Variants in PRKCH observed in about 807,000 individuals in gnomAD.
PRKCH encodes the protein protein kinase C eta type.
A neutral mutation model predicts 82.5 loss-of-function variants in PRKCH; 28 were observed. The observed-to-expected ratio is 0.34, with a 90% CI of 0.25 to 0.47. The LOEUF is 0.47. Ranked by LOEUF, PRKCH falls within the 20% of genes least tolerant of loss-of-function variation. The pLI, the probability that PRKCH is intolerant of heterozygous loss-of-function variation, is 1.00. For synonymous variants in PRKCH, 322 were observed against 327.4 expected (o/e 0.98, Z 0.18); for missense variants, 705 against 881.8 (o/e 0.80, Z 2.54).
In PRKCH at chr14:61,518,986, T is replaced by A. The variant is rs567053664; in HGVS notation, c.1434-10089T>A. Among the ~76,000 whole-genome samples the A allele has an allele frequency of 4.7e-4, 71 of 152,198 alleles. 1 individual carries two copies. Among genetic ancestry groups the A allele is most frequent in the African/African-American group, 1.2e-3 (48 of 41,544 alleles). On this transcript the variant is annotated intron_variant, in intron 10 of 13. Transcript: ENST00000332981. ...TGCCACCATACCTGGCTAAGTTTTT[T>A]AAAAAATTTTGTATAGCTGGACACA...
chr14:61,466,520 G>A (rs1476475014), intron 9 of PRKCH, among the ~76,000 whole-genome samples: 1 of 152,150 alleles, frequency 6.6e-6, no homozygotes, highest in African/African-American at 2.4e-5. Flanking sequence ...AGGGATGGAG[G>A]GGGGCTATCA....
chr14:61,343,563 T>A (rs377087434), intron 1 of PRKCH, among the ~76,000 whole-genome samples: 1 of 152,190 alleles, frequency 6.6e-6, no homozygotes, highest in Non-Finnish European at 1.5e-5. Context: ...GATAGATTTT[T>A]TTTTATGTAG....
intron 1 of PRKCH, among the ~76,000 whole-genome samples, chr14:61,380,314 C>T (rs1333453133): frequency 6.6e-6 from 1 of 152,108 alleles, no homozygotes; most frequent in Non-Finnish European, 1.5e-5. Flanking sequence ...GCCTTGGCCT[C>T]CCAAAGTGTT....
At chr14:61,211,037 G>A (rs757962381) in intron 1 of PRKCH, among the ~76,000 whole-genome samples, 3 of 152,158 alleles carry the variant, frequency 2.0e-5, no homozygotes, top group African/African-American at 7.2e-5. Flanking sequence ...CATGGAGGAA[G>A]GCAAACTGGA....
chr14:61,549,943 TCAAGGAG>T lies in PRKCH; in HGVS notation c.*117_*123del. ...CAGCCTTAGAACAAGAACCTTACCT[TCAAGGAG>T]CAAGTGAAGAACTCTGTGAAGGATG... On this transcript the variant is annotated 3_prime_UTR_variant, in exon 14 of 14. Transcript: ENST00000332981. 1 of 1,206,836 alleles carries T rather than the reference TCAAGGAG, an allele frequency of 8.3e-7. No individual in the cohort carries two copies. The highest frequency in any genetic ancestry group is 1.5e-5 in the South Asian group (1 of 65,250). The allele number at this position is 1,206,836 out of a possible 1,614,324, so 74.8% of individuals were successfully genotyped here.
chr14:61,449,077 G>A (rs924902158), intron 4 of PRKCH, 87 bp from the exon 5 acceptor site: 2 of 1,257,126 alleles, frequency 1.6e-6, no homozygotes, highest in Admixed American at 3.5e-5. Flanking sequence ...AGTCTTGTTG[G>A]CACGGTGCAG....
At chr14:61,245,475 A>T (rs1244668656) in intron 1 of PRKCH, among the ~76,000 whole-genome samples, 1 of 152,224 alleles carries the variant, frequency 6.6e-6, no homozygotes, top group Non-Finnish European at 1.5e-5. Context: ...AGTGCAGGGA[A>T]TTAATCAAAG....
chr14:61,288,146 A>G (rs1461662485), intron 1 of PRKCH, among the ~76,000 whole-genome samples: 2 of 152,230 alleles, frequency 1.3e-5, no homozygotes, highest in Non-Finnish European at 2.9e-5. Flanking sequence ...GGTGCCCAAC[A>G]AAGACATGCT....
chr14:61,258,041 G>C (rs2045015186), intron 1 of PRKCH, among the ~76,000 whole-genome samples: 1 of 152,112 alleles, frequency 6.6e-6, no homozygotes, highest in Non-Finnish European at 1.5e-5. Flanking sequence ...AAACGTACTG[G>C]CAGAGATTCT....
intron 1 of PRKCH, chr14:61,322,819 G>C (rs2045647288): frequency 4.2e-6 from 1 of 237,120 alleles, no homozygotes; most frequent in Non-Finnish European, 8.3e-6. Context: ...GGGAAGGAGT[G>C]ATACAAAAGG....
At chr14:61,429,133 A>G (rs1883269076) in intron 2 of PRKCH, among the ~76,000 whole-genome samples, 1 of 152,242 alleles carries the variant, frequency 6.6e-6, no homozygotes, top group Admixed American at 6.5e-5. Context: ...GGTCTGGAGA[A>G]TAGAAGGAAG....
In PRKCH at chr14:61,549,916, A is replaced by C; in HGVS notation, c.*85A>C. On this transcript the variant is annotated 3_prime_UTR_variant, in exon 14 of 14. Transcript: ENST00000332981. Reference sequence around the variant, plus strand: ...ATTTCCTCTATGGGACCTTCCCAGCATCAGCCTTAGAACAAGAACCTTACC... The same window carrying C: ...ATTTCCTCTATGGGACCTTCCCAGCCTCAGCCTTAGAACAAGAACCTTACC... 1 of 1,450,806 alleles carries C rather than the reference A, an allele frequency of 6.9e-7. No homozygotes were observed. Among genetic ancestry groups the C allele is most frequent in the Non-Finnish European group, 9.4e-7 (1 of 1,069,226 alleles). 89.9% of individuals were successfully genotyped at this position (1,450,806 alleles called of 1,614,324 possible).
At chr14:61,302,873 CTATT>C (rs932646653) in intron 1 of PRKCH, 2 of 152,150 alleles carry the variant, frequency 1.3e-5, no homozygotes, top group African/African-American at 2.4e-5. Flanking sequence ...GAAGTATTCT[CTATT>C]TATCAATTAG....
At chr14:61,316,669 C>A (rs1393759790), upstream of PRKCH, among the ~76,000 whole-genome samples, 3 of 152,214 alleles carry the variant, frequency 2.0e-5, no homozygotes, top group Non-Finnish European at 4.4e-5. Context: ...TTGGTATTGG[C>A]AGACAATTCC....
chr14:61,500,777 G>A (rs930456023), intron 10 of PRKCH, among the ~76,000 whole-genome samples: 3 of 152,106 alleles, frequency 2.0e-5, no homozygotes, highest in Admixed American at 6.5e-5. Flanking sequence ...TTGCTCAAGG[G>A]TGAATTACCA....
chr14:61,282,264 T>C (rs1253898035), intron 1 of PRKCH, among the ~76,000 whole-genome samples: 3 of 137,266 alleles, frequency 2.2e-5, no homozygotes, highest in African/African-American at 3.2e-5. Flanking sequence ...TTGCCTGGGA[T>C]TCTGGCTTTT....
rs1200339822 is a variant in PRKCH at position 61,513,126 on chromosome 14, A to C, written c.1434-15949A>C. Among the ~76,000 whole-genome samples the C allele has an allele frequency of 2.0e-5, 3 of 152,298 alleles. No individual in the cohort carries two copies. The East Asian group carries it at 5.8e-4, about 29-fold the overall frequency. On this transcript the variant is annotated intron_variant, in intron 10 of 13. Coordinates refer to ENST00000332981, the MANE Select transcript of PRKCH (RefSeq NM_006255.5). ...TAAAAGATTTACCACCAGATGCAGA[A>C]AGCAGTTCTCACCATTGCTTCCTCA...
rs34886068 is a variant in PRKCH at position 61,322,371 on chromosome 14, G to T, written c.270G>T (p.Thr90=). The T allele has an allele frequency of 1.3e-3, 2,175 of 1,613,128 alleles. 1 individual carries two copies. Among genetic ancestry groups the T allele is most frequent in the Non-Finnish European group, 1.5e-3 (1,771 of 1,179,844 alleles). ...GHLELAVFHE[T]PLGYDHFVAN... ...TCGAGTTGGCCGTCTTCCACGAGAC[G>T]CCCCTGGGCTACGACCACTTCGTGG... The change falls in exon 1 of 14, where the codon ACG becomes ACT. Residue 90 remains threonine, a synonymous_variant. Transcript: ENST00000332981.
intron 2 of PRKCH, among the ~76,000 whole-genome samples, chr14:61,397,794 G>A (rs1011620118): frequency 1.3e-5 from 2 of 152,182 alleles, no homozygotes; most frequent in Non-Finnish European, 2.9e-5. Flanking sequence ...GGTAACAGTG[G>A]TTTCTTCAAA....
Sources: allele counts gnomAD v4.1 joint callset (sites outside exome capture counted in the v4.1 genomes callset), GRCh38; gene constraint gnomAD v4.1.1; transcripts MANE v1.5; gene names NCBI Gene and HGNC (gene_info 2026-07-23, HGNC 2026-07-21).